Variants in MRTFB observed in about 807,000 individuals in gnomAD.
MRTFB encodes the protein myocardin related transcription factor B.
A neutral mutation model predicts 104.2 loss-of-function variants in MRTFB; 29 were observed. The ratio of observed to expected loss-of-function variants is 0.28; its 90% CI spans 0.21 to 0.38. The LOEUF is 0.38. Among genes scored for constraint, MRTFB ranks in the 10% least tolerant of loss-of-function variants. MRTFB has a pLI of 1.00. For missense variants in MRTFB, 1,270 were observed against 1,341.6 expected, an observed-to-expected ratio of 0.95 and a Z score of 0.83; for synonymous variants, 535 against 519.5, an observed-to-expected ratio of 1.03 and a Z score of -0.41.
intron 10 of MRTFB, chr16:14,240,947 C>CA: frequency 6.7e-6 from 4 of 598,582 alleles, no homozygotes; most frequent in Non-Finnish European, 1.2e-5. Flanking sequence ...ATGCTGTGAG[C>CA]ACTAGTACAG....
rs1470157221 is a variant in MRTFB at position 14,246,663 on chromosome 16, C to T, written c.1403C>T (p.Thr468Ile). Residue 468 changes from threonine to isoleucine, a missense_variant, in exon 12 of 17, where the codon ACA (threonine) becomes ATA (isoleucine). Physicochemically the swap from Thr to Ile is moderately conservative, Grantham distance 89. Coordinates refer to ENST00000571589, the MANE Select transcript of MRTFB (RefSeq NM_001308142.2). ...GAAGTCACTGTGGCCTTGCCGGTTA[C>T]AACACTACACAACACTGTGACTAGC... ...NPEVTVALPV[T>I]TLHNTVTSSV... 6.2e-7 allele frequency: 1 copy of T among 1,614,046 alleles called. No individual in the cohort carries two copies. Among genetic ancestry groups the T allele is most frequent in the African/African-American group, 1.3e-5 (1 of 74,902 alleles).
intron 15 of MRTFB, among the ~76,000 whole-genome samples, chr16:14,253,165 G>GC (rs1597384527): frequency 6.6e-6 from 1 of 152,124 alleles, no homozygotes; most frequent in Non-Finnish European, 1.5e-5. Flanking sequence ...AAAGCATATG[G>GC]CCCATGGTGG....
intron 9 of MRTFB, among the ~76,000 whole-genome samples, chr16:14,239,598 C>T (rs2042673980): frequency 6.6e-6 from 1 of 152,088 alleles, no homozygotes; most frequent in South Asian, 2.1e-4. Context: ...GATCTGATAA[C>T]TTAAAAACTG....
intron 2 of MRTFB, among the ~76,000 whole-genome samples, chr16:14,139,910 C>T (rs1028532892): frequency 3.3e-5 from 5 of 152,210 alleles, no homozygotes; most frequent in African/African-American, 1.2e-4. Context: ...GCCAGTGTCA[C>T]ATGTTTAGAA....
chr16:14,246,417 T>C, intron 11 of MRTFB, 56 bp from the exon 12 acceptor site: 1 of 1,565,844 alleles, frequency 6.4e-7, no homozygotes, highest in Non-Finnish European at 8.7e-7. Context: ...AAAAGCGTAC[T>C]GTAGATTTGC....
chr16:14,184,317 G>A (rs1567425831), intron 3 of MRTFB, among the ~76,000 whole-genome samples: 1 of 151,772 alleles, frequency 6.6e-6, no homozygotes, highest in Admixed American at 6.6e-5. Flanking sequence ...CTGCCTCCCG[G>A]GTTCAAGCGA....
chr16:14,243,285 A>G (rs766241201), intron 10 of MRTFB, among the ~76,000 whole-genome samples: 28 of 152,254 alleles, frequency 1.8e-4, no homozygotes, highest in Admixed American at 3.3e-4. Flanking sequence ...GAAGACCCCA[A>G]AATGAATGTC....
chr16:14,250,730 G>T (rs983623849), intron 13 of MRTFB, among the ~76,000 whole-genome samples: 1 of 152,202 alleles, frequency 6.6e-6, no homozygotes, highest in African/African-American at 2.4e-5. Context: ...GTGGCAGGGG[G>T]TCTATGCCGC....
chr16:14,078,614 A>G (rs570445680), intron 1 of MRTFB, among the ~76,000 whole-genome samples: 1 of 151,160 alleles, frequency 6.6e-6, no homozygotes, highest in African/African-American at 2.4e-5. Context: ...TTTTTTTTAA[A>G]GAGACGGTAT....
the MRTFB span, among the ~76,000 whole-genome samples, chr16:13,999,729 G>A: frequency 1.5e-3 from 230 of 152,232 alleles, 1 homozygote; most frequent in Non-Finnish European, 1.9e-3. Flanking sequence ...TGAAGCCATT[G>A]AGCCCCAGGA....
chr16:14,180,134 A>G (rs2039719862), intron 3 of MRTFB, among the ~76,000 whole-genome samples: 1 of 152,242 alleles, frequency 6.6e-6, no homozygotes, highest in African/African-American at 2.4e-5. Context: ...AAAGAGGAGA[A>G]AGTGGCAGTC....
chr16:14,117,403 G>T (rs2036597562), intron 2 of MRTFB, among the ~76,000 whole-genome samples: 1 of 152,164 alleles, frequency 6.6e-6, no homozygotes. Flanking sequence ...TCTTGATCAG[G>T]CCTTCCTAAT....
intron 3 of MRTFB, among the ~76,000 whole-genome samples, chr16:14,178,983 T>C (rs2039680082): frequency 6.6e-6 from 1 of 152,104 alleles, no homozygotes; most frequent in African/African-American, 2.4e-5. Flanking sequence ...ATTCAAGAAA[T>C]CCACCCACCT....
the MRTFB span, among the ~76,000 whole-genome samples, chr16:14,050,144 C>T: frequency 1.9e-4 from 29 of 151,334 alleles, no homozygotes; most frequent in African/African-American, 3.9e-4. Context: ...TATGCATATA[C>T]CCAGAAAGAC....
chr16:14,029,816 T>A, the MRTFB span, among the ~76,000 whole-genome samples: 1 of 152,112 alleles, frequency 6.6e-6, no homozygotes, highest in Non-Finnish European at 1.5e-5. Flanking sequence ...GGCATGGAAG[T>A]TCCCATGGGC....
At chr16:14,156,559 C>T (rs2038835118) in intron 3 of MRTFB, among the ~76,000 whole-genome samples, 1 of 152,164 alleles carries the variant, frequency 6.6e-6, no homozygotes, top group Non-Finnish European at 1.5e-5. Flanking sequence ...AGATACCGTG[C>T]TAGGGCCTCT....
At chr16:14,021,883 G>A in the MRTFB span, among the ~76,000 whole-genome samples, 1 of 152,164 alleles carries the variant, frequency 6.6e-6, no homozygotes, top group African/African-American at 2.4e-5. Flanking sequence ...ATAGACATGT[G>A]TGTGCAAGTA....
the MRTFB span, among the ~76,000 whole-genome samples, chr16:14,042,154 G>T: frequency 1.3e-5 from 2 of 151,892 alleles, no homozygotes; most frequent in African/African-American, 4.8e-5. Context: ...AGATGGAGTT[G>T]TGCTCTTGTT....
the MRTFB span, among the ~76,000 whole-genome samples, chr16:13,999,499 G>T: frequency 7.3e-6 from 1 of 136,880 alleles, no homozygotes; most frequent in Non-Finnish European, 1.5e-5. Context: ...GAGCCTTCTG[G>T]CAAAAAAAAA....
Sources: allele counts gnomAD v4.1 joint callset (sites outside exome capture counted in the v4.1 genomes callset), GRCh38; gene constraint gnomAD v4.1.1; transcripts MANE v1.5; gene names NCBI Gene and HGNC (gene_info 2026-07-23, HGNC 2026-07-21).